The following NUP58 variants were observed in gnomAD, a reference collection of about 807,000 sequenced individuals.
NUP58 encodes nucleoporin 58, also known as nucleoporin p58/p45.
NUP58 carries 17 observed loss-of-function variants against 70.1 expected under a neutral mutation model. The observed-to-expected ratio is 0.24, with a 90% CI of 0.17 to 0.36. NUP58 has a LOEUF of 0.36. Ranked by LOEUF, NUP58 falls within the 10% of genes least tolerant of loss-of-function variation. The pLI, the probability that NUP58 is intolerant of heterozygous loss-of-function variation, is 1.00. For missense variants in NUP58, 644 were observed against 701.5 expected (o/e 0.92, Z 0.93); for synonymous variants, 275 against 257.6 (o/e 1.07, Z -0.65).
In NUP58 at chr13:25,335,240, T is replaced by C. The variant is rs930879827; in HGVS notation, c.1436-1696T>C. The C allele has an allele frequency of 1.7e-5, 17 of 985,272 alleles. No homozygotes were observed. In the East Asian group the frequency reaches 4.5e-4, roughly 26 times the overall value. The allele number at this position is 985,272 out of a possible 1,614,324, so 61.0% of individuals were successfully genotyped here. On this transcript the variant is annotated intron_variant, in intron 13 of 15. Coordinates refer to ENST00000381736, the MANE Select transcript of NUP58 (RefSeq NM_014089.4). ...TAGATATGAGTTCTTGATTATATTC[T>C]GAATATTGATGATTAGAAAAATCTT...
downstream of NUP58, among the ~76,000 whole-genome samples, chr13:25,343,253 T>C (rs1191677888): frequency 6.6e-6 from 1 of 151,894 alleles, no homozygotes; most frequent in Non-Finnish European, 1.5e-5. Flanking sequence ...AGCTCCCACT[T>C]AGAGAACATA....
At chr13:25,313,109 C>T (rs1042916480) in intron 4 of NUP58, 77 bp downstream of exon 4, 37 of 1,461,532 alleles carry the variant, frequency 2.5e-5, no homozygotes, top group Non-Finnish European at 3.2e-5. Flanking sequence ...AGATAGTCAC[C>T]TTACTACAGA....
At chr13:25,333,064 G>GT in intron 13 of NUP58, 2 of 985,032 alleles carry the variant, frequency 2.0e-6, no homozygotes, top group Non-Finnish European at 2.4e-6. Flanking sequence ...AAGTTATGTT[G>GT]TAAGTGAATA....
intron 1 of NUP58, among the ~76,000 whole-genome samples, chr13:25,303,586 A>G (rs575434552): frequency 1.3e-5 from 2 of 152,160 alleles, no homozygotes; most frequent in African/African-American, 2.4e-5. Context: ...TGCAAATATC[A>G]AATGGTCTCT....
intron 13 of NUP58, chr13:25,332,224 A>G (rs2031633604): frequency 6.1e-6 from 6 of 985,622 alleles, no homozygotes; most frequent in Middle Eastern, 5.2e-4. Flanking sequence ...GGGAAGTTGA[A>G]CAGATGAAAA....
intron 13 of NUP58, chr13:25,333,618 C>T: frequency 1.0e-6 from 1 of 985,310 alleles, no homozygotes; most frequent in Non-Finnish European, 1.2e-6. Flanking sequence ...TAAAGGTCTC[C>T]CAGGCCTTCC....
chr13:25,346,050 T>TC (rs1258428518), downstream of NUP58, among the ~76,000 whole-genome samples: 1 of 152,120 alleles, frequency 6.6e-6, no homozygotes, highest in African/African-American at 2.4e-5. Flanking sequence ...CCTCTTTTAA[T>TC]CCCCCGGGAA....
intron 13 of NUP58, chr13:25,334,309 G>T: frequency 1.0e-6 from 1 of 985,260 alleles, no homozygotes; most frequent in Non-Finnish European, 1.2e-6. Flanking sequence ...AATGTATCTG[G>T]GATTGAGTTT....
At chr13:25,322,053 G>A (rs550879327) in intron 9 of NUP58, among the ~76,000 whole-genome samples, 10 of 152,326 alleles carry the variant, frequency 6.6e-5, no homozygotes, top group Non-Finnish European at 1.5e-4. Context: ...CAGTGGGAAA[G>A]GATGACGATA....
chr13:25,325,399 G>A (rs1218569727), intron 10 of NUP58, among the ~76,000 whole-genome samples: 1 of 152,072 alleles, frequency 6.6e-6, no homozygotes, highest in African/African-American at 2.4e-5. Context: ...TAGGTAATAC[G>A]TGTTCTGGAA....
chr13:25,322,312 A>G (rs1272215692), intron 9 of NUP58, among the ~76,000 whole-genome samples: 1 of 152,224 alleles, frequency 6.6e-6, no homozygotes, highest in East Asian at 1.9e-4. Context: ...TAATCTTTTT[A>G]ATAATGATGT....
At chr13:25,344,713 C>A (rs2032028632), downstream of NUP58, among the ~76,000 whole-genome samples, 1 of 152,032 alleles carries the variant, frequency 6.6e-6, no homozygotes, top group Non-Finnish European at 1.5e-5. Context: ...GTCTTTTGTT[C>A]TTTTAACAAA....
At chr13:25,307,977 G>T (rs1325969888) in intron 2 of NUP58, 29 bp downstream of exon 2, 4 of 1,610,642 alleles carry the variant, frequency 2.5e-6, no homozygotes, top group Non-Finnish European at 3.4e-6. Context: ...CATTGTCAGA[G>T]AGTAGGCTTG....
downstream of NUP58, among the ~76,000 whole-genome samples, chr13:25,344,740 T>G (rs1447806338): frequency 6.6e-6 from 1 of 152,234 alleles, no homozygotes; most frequent in East Asian, 1.9e-4. Context: ...ATTAGATTCT[T>G]GTTTGATTAT....
intron 3 of NUP58, 126 bp from the exon 4 acceptor site, chr13:25,312,757 T>G: frequency 1.2e-6 from 1 of 842,770 alleles, no homozygotes; most frequent in Non-Finnish European, 1.8e-6. Flanking sequence ...AGATACACCC[T>G]TCTTCTATTG....
chr13:25,319,667 T>C (rs1005720332), intron 7 of NUP58, among the ~76,000 whole-genome samples: 1 of 152,130 alleles, frequency 6.6e-6, no homozygotes, highest in African/African-American at 2.4e-5. Context: ...CATGGAACTT[T>C]ACTTTTGGAG....
At chr13:25,332,037 G>A (rs764592514) in intron 13 of NUP58, 90 of 1,007,732 alleles carry the variant, frequency 8.9e-5, no homozygotes, top group Non-Finnish European at 1.0e-4. Flanking sequence ...TTGACTGAAG[G>A]TATGTTGAAG....
downstream of NUP58, among the ~76,000 whole-genome samples, chr13:25,344,298 T>C (rs2032023494): frequency 6.6e-6 from 1 of 152,236 alleles, no homozygotes; most frequent in Admixed American, 6.5e-5. Context: ...TGTGTGATTT[T>C]AAGCAAGTTA....
At position 25,332,308 on chromosome 13, in the gene NUP58, G is replaced by A. The variant is rs1168137837; in HGVS notation, c.1435+750G>A. 8.1e-6 allele frequency: 8 copies of A among 985,268 alleles called. No individual in the cohort carries two copies. In the South Asian group the frequency reaches 3.3e-4, roughly 40 times the overall value. 61.0% of individuals were successfully genotyped at this position (985,268 alleles called of 1,614,324 possible). Reference sequence around the variant, plus strand: ...ACTTCTAATTAGAGAAACATTTTTTGTGGTCATTCTACAGTGTTTTATTTG... The same window carrying A: ...ACTTCTAATTAGAGAAACATTTTTTATGGTCATTCTACAGTGTTTTATTTG... On this transcript the variant is annotated intron_variant, in intron 13 of 15. Transcript: ENST00000381736.
Sources: allele counts gnomAD v4.1 joint callset (sites outside exome capture counted in the v4.1 genomes callset), GRCh38; gene constraint gnomAD v4.1.1; transcripts MANE v1.5; gene names NCBI Gene and HGNC (gene_info 2026-07-23, HGNC 2026-07-21).